The following WWOX variants were observed in gnomAD, a reference collection of about 807,000 sequenced individuals.
WWOX encodes WW domain-containing oxidoreductase.
WWOX carries 69 observed loss-of-function variants against 46.2 expected under a neutral mutation model. That is an observed-to-expected ratio of 1.49 (90% CI 1.23 to 1.82). The LOEUF (loss-of-function observed/expected upper bound fraction) is 1.82. WWOX is among the 40% of genes most tolerant of loss of function. The pLI, the probability that WWOX is intolerant of heterozygous loss-of-function variation, is 0.00. For synonymous variants in WWOX, 359 were observed against 202.6 expected (o/e 1.77, Z -6.56); for missense variants, 919 against 542.6 (o/e 1.69, Z -6.89).
At chr16:78,993,470 A>G (rs934837579) in intron 8 of WWOX, among the ~76,000 whole-genome samples, 6 of 152,154 alleles carry the variant, frequency 3.9e-5, no homozygotes, top group African/African-American at 1.4e-4. Flanking sequence ...ATTATAGTTA[A>G]GCAGGGCTGC....
chr16:78,289,455 C>T (rs779327170), intron 5 of WWOX, among the ~76,000 whole-genome samples: 7 of 152,046 alleles, frequency 4.6e-5, no homozygotes, highest in African/African-American at 7.2e-5. Flanking sequence ...TATTAGGCTG[C>T]AGGGTAGTGG....
At chr16:78,891,446 C>T (rs2044588452) in intron 8 of WWOX, 1 of 152,154 alleles carries the variant, frequency 6.6e-6, no homozygotes, top group South Asian at 2.1e-4. Flanking sequence ...TAGCATAAGA[C>T]CTGCTGGACC....
chr16:78,708,354 A>C (rs1013785368), intron 8 of WWOX, among the ~76,000 whole-genome samples: 1 of 152,172 alleles, frequency 6.6e-6, no homozygotes, highest in Non-Finnish European at 1.5e-5. Flanking sequence ...GTGAAACTCA[A>C]ATTTTACTCG....
chr16:78,812,097 A>C (rs1597654086), intron 8 of WWOX, among the ~76,000 whole-genome samples: 1 of 151,988 alleles, frequency 6.6e-6, no homozygotes, highest in Non-Finnish European at 1.5e-5. Context: ...TCTCTTTTGA[A>C]CCCCAAAGTC....
chr16:78,121,984 A>G (rs192465883), intron 4 of WWOX, among the ~76,000 whole-genome samples: 1 of 152,288 alleles, frequency 6.6e-6, no homozygotes, highest in East Asian at 1.9e-4. Flanking sequence ...TTGAGGTTTC[A>G]GTTACCTGAG....
intron 8 of WWOX, among the ~76,000 whole-genome samples, chr16:78,653,939 A>G (rs2047023011): frequency 6.6e-6 from 1 of 152,194 alleles, no homozygotes; most frequent in Non-Finnish European, 1.5e-5. Context: ...ACGTCTTCAC[A>G]TTTCACACTG....
Position 78,714,048 on chromosome 16 carries a change from G to A in WWOX, c.1056+281296G>A, listed in dbSNP as rs569684445. On this transcript the variant is annotated intron_variant, in intron 8 of 8. Coordinates refer to ENST00000566780, the MANE Select transcript of WWOX (RefSeq NM_016373.4). ...AAGGTAAGGGAACTGGGGAAAAGAA[G>A]GCAAAATGATGACTTAAAGAGACTG... Among the ~76,000 whole-genome samples the A allele has an allele frequency of 2.0e-5, 3 of 152,276 alleles. No homozygotes were observed. The East Asian group carries it at 5.8e-4, about 29-fold the overall frequency.
At chr16:78,455,023 G>C (rs560285427) in intron 8 of WWOX, among the ~76,000 whole-genome samples, 20 of 152,180 alleles carry the variant, frequency 1.3e-4, no homozygotes, top group Non-Finnish European at 2.5e-4. Flanking sequence ...AAATGAGCAA[G>C]GTGTTCTCTT....
At chr16:78,459,447 T>C (rs1372686987) in intron 8 of WWOX, among the ~76,000 whole-genome samples, 2 of 152,258 alleles carry the variant, frequency 1.3e-5, no homozygotes, top group African/African-American at 4.8e-5. Context: ...CCTCCTCTTG[T>C]ATCCGTTTTC....
intron 8 of WWOX, among the ~76,000 whole-genome samples, chr16:78,683,677 C>G (rs1043485648): frequency 6.6e-5 from 10 of 152,172 alleles, no homozygotes; most frequent in Non-Finnish European, 1.2e-4. Context: ...GCTGGGATTA[C>G]AGGCACGAGC....
chr16:78,418,987 C>G (rs576220718), intron 6 of WWOX, among the ~76,000 whole-genome samples: 1 of 151,966 alleles, frequency 6.6e-6, no homozygotes, highest in Non-Finnish European at 1.5e-5. Context: ...AAAAAAAGAT[C>G]CAGATTGAAA....
chr16:78,410,203 C>G (rs1342531150), intron 6 of WWOX, among the ~76,000 whole-genome samples: 1 of 152,228 alleles, frequency 6.6e-6, no homozygotes, highest in Non-Finnish European at 1.5e-5. Context: ...TCACCGGAAG[C>G]CAAGCACATG....
chr16:78,769,476 G>A (rs1262071456), intron 8 of WWOX, among the ~76,000 whole-genome samples: 1 of 152,060 alleles, frequency 6.6e-6, no homozygotes, highest in South Asian at 2.1e-4. Context: ...TTCTGTGACA[G>A]ATGGAGATAA....
chr16:79,139,945 C>T (rs1436969415), intron 8 of WWOX, among the ~76,000 whole-genome samples: 1 of 152,202 alleles, frequency 6.6e-6, no homozygotes, highest in Non-Finnish European at 1.5e-5. Flanking sequence ...CGGACTTGTA[C>T]ATTTCTGATC....
intron 8 of WWOX, among the ~76,000 whole-genome samples, chr16:78,832,185 G>C (rs780313762): frequency 3.3e-5 from 5 of 152,158 alleles, no homozygotes; most frequent in Non-Finnish European, 7.3e-5. Flanking sequence ...CTTGACTGAA[G>C]GGGAGGTTTC....
intron 3 of WWOX, among the ~76,000 whole-genome samples, chr16:78,111,541 C>T (rs1479858198): frequency 1.3e-5 from 2 of 152,166 alleles, no homozygotes; most frequent in Non-Finnish European, 1.5e-5. Context: ...TCTGGGAAGA[C>T]ACCCGTTACT....
intron 8 of WWOX, among the ~76,000 whole-genome samples, chr16:78,855,855 A>G (rs2058456442): frequency 6.6e-6 from 1 of 152,196 alleles, no homozygotes; most frequent in South Asian, 2.1e-4. Flanking sequence ...TGTGAAGCCC[A>G]GGGGATCCAG....
intron 8 of WWOX, among the ~76,000 whole-genome samples, chr16:78,878,901 G>GAAAAAAAAAA (rs111647544): frequency 1.2e-5 from 1 of 86,910 alleles, no homozygotes. Flanking sequence ...ACAAAAAAAT[G>GAAAAAAAAAA]AAAAAAAAAA....
At chr16:78,352,512 C>T (rs370984345) in intron 5 of WWOX, among the ~76,000 whole-genome samples, 9 of 152,210 alleles carry the variant, frequency 5.9e-5, no homozygotes, top group Admixed American at 1.3e-4. Context: ...GGGATGGCTG[C>T]TCAAGTCCTT....
Sources: allele counts gnomAD v4.1 joint callset (sites outside exome capture counted in the v4.1 genomes callset), GRCh38; gene constraint gnomAD v4.1.1; transcripts MANE v1.5; gene names NCBI Gene and HGNC (gene_info 2026-07-23, HGNC 2026-07-21).